GRIK2: variants seen among roughly 807,000 people sequenced by gnomAD.
GRIK2 encodes the protein glutamate ionotropic receptor kainate type subunit 2.
A neutral mutation model predicts 100.3 loss-of-function variants in GRIK2; 32 were observed. That is an observed-to-expected ratio of 0.32 (90% CI 0.24 to 0.43). The LOEUF (loss-of-function observed/expected upper bound fraction) is 0.43. Among genes scored for constraint, GRIK2 ranks in the 20% least tolerant of loss-of-function variants. GRIK2 has a pLI of 1.00. For synonymous variants in GRIK2, 417 were observed against 389.4 expected (o/e 1.07, Z -0.83); for missense variants, 843 against 1,114.9 (o/e 0.76, Z 3.47).
intron 12 of GRIK2, among the ~76,000 whole-genome samples, chr6:101,892,033 A>G (rs961488052): frequency 6.6e-6 from 1 of 152,176 alleles, no homozygotes; most frequent in Non-Finnish European, 1.5e-5. Context: ...AAATATACAA[A>G]AAGTCTTCCT....
At chr6:101,914,812 T>G (rs1434191818) in intron 12 of GRIK2, among the ~76,000 whole-genome samples, 1 of 151,672 alleles carries the variant, frequency 6.6e-6, no homozygotes, top group East Asian at 1.9e-4. Context: ...GTGTTTATTT[T>G]ATTTAAAACC....
chr6:101,469,018 A>G (rs926672298), intron 2 of GRIK2, among the ~76,000 whole-genome samples: 1 of 152,182 alleles, frequency 6.6e-6, no homozygotes, highest in Non-Finnish European at 1.5e-5. Context: ...AGCATCCACC[A>G]GAAATATTAA....
chr6:101,948,716 C>A (rs773699179), intron 14 of GRIK2, among the ~76,000 whole-genome samples: 35 of 151,980 alleles, frequency 2.3e-4, no homozygotes, highest in Non-Finnish European at 4.3e-4. Flanking sequence ...CTAAAGTGAT[C>A]CTGCTGCCTC....
chr6:101,624,728 C>T (rs562669708), intron 3 of GRIK2, among the ~76,000 whole-genome samples: 82 of 152,108 alleles, frequency 5.4e-4, no homozygotes, highest in African/African-American at 2.0e-3. Context: ...TTTCATTTTT[C>T]AACATGGTTT....
intron 9 of GRIK2, among the ~76,000 whole-genome samples, chr6:101,811,770 T>G (rs1781343651): frequency 6.6e-6 from 1 of 151,776 alleles, no homozygotes; most frequent in African/African-American, 2.4e-5. Flanking sequence ...AGAAACATTT[T>G]TTGGATTTAA....
intron 14 of GRIK2, among the ~76,000 whole-genome samples, chr6:101,964,656 A>C (rs1016481251): frequency 1.4e-4 from 21 of 152,196 alleles, no homozygotes; most frequent in African/African-American, 5.1e-4. Flanking sequence ...CCATTGCTGC[A>C]GCACTGGGAT....
At chr6:101,460,879 A>G (rs181533385) in intron 2 of GRIK2, among the ~76,000 whole-genome samples, 274 of 152,270 alleles carry the variant, frequency 1.8e-3, no homozygotes, top group Non-Finnish European at 2.9e-3. Flanking sequence ...TTGGTTTAAT[A>G]ACAAATTGAC....
At chr6:101,455,559 C>T (rs573151377) in intron 2 of GRIK2, among the ~76,000 whole-genome samples, 2 of 151,770 alleles carry the variant, frequency 1.3e-5, no homozygotes, top group East Asian at 3.9e-4. Context: ...ATCATTAGAC[C>T]TAGGTTAGAA....
chr6:101,561,838 T>G (rs1448641857), intron 2 of GRIK2, among the ~76,000 whole-genome samples: 3 of 152,182 alleles, frequency 2.0e-5, no homozygotes, highest in Non-Finnish European at 4.4e-5. Context: ...GTTTAATTTT[T>G]GGGTCATGTA....
At chr6:101,907,122 C>T (rs143717817) in intron 12 of GRIK2, among the ~76,000 whole-genome samples, 1 of 151,464 alleles carries the variant, frequency 6.6e-6, no homozygotes, top group African/African-American at 2.4e-5. Context: ...ATCAACTGTA[C>T]AACATGTTAA....
chr6:101,402,980 G>A (rs1775405229), intron 2 of GRIK2, among the ~76,000 whole-genome samples: 1 of 152,164 alleles, frequency 6.6e-6, no homozygotes, highest in Admixed American at 6.5e-5. Flanking sequence ...CCTTTCTTTT[G>A]TTACTTTAGC....
At chr6:101,796,668 T>A (rs140665193) in intron 7 of GRIK2, among the ~76,000 whole-genome samples, 1,539 of 152,272 alleles carry the variant, frequency 0.01, 27 homozygotes, top group Non-Finnish European at 0.014. Context: ...CCAGAAGTAG[T>A]TTGATCAGCG....
At chr6:101,572,173 A>C (rs1227868707) in intron 2 of GRIK2, among the ~76,000 whole-genome samples, 1 of 152,142 alleles carries the variant, frequency 6.6e-6, no homozygotes, top group African/African-American at 2.4e-5. Flanking sequence ...ATTCTTACAC[A>C]GATATTAGCA....
intron 7 of GRIK2, among the ~76,000 whole-genome samples, chr6:101,739,836 C>T (rs1775909089): frequency 6.6e-6 from 1 of 152,104 alleles, no homozygotes; most frequent in African/African-American, 2.4e-5. Flanking sequence ...CTGCAAACCT[C>T]ACACAATTTT....
At chr6:101,552,392 G>T (rs1776552279) in intron 2 of GRIK2, among the ~76,000 whole-genome samples, 1 of 152,064 alleles carries the variant, frequency 6.6e-6, no homozygotes, top group African/African-American at 2.4e-5. Flanking sequence ...TTTCCAGCTG[G>T]TAGTATCTTA....
chr6:102,027,035 A>T (rs1165226697), intron 14 of GRIK2, among the ~76,000 whole-genome samples: 1 of 151,312 alleles, frequency 6.6e-6, no homozygotes, highest in Non-Finnish European at 1.5e-5. Flanking sequence ...GTAATAAAAA[A>T]TTAAAATGGA....
intron 11 of GRIK2, among the ~76,000 whole-genome samples, chr6:101,880,093 A>G (rs1786142792): frequency 1.3e-5 from 2 of 152,160 alleles, no homozygotes; most frequent in Non-Finnish European, 2.9e-5. Context: ...CACAAAAACT[A>G]AACTGAATGT....
chr6:101,462,489 A>G (rs1040260001), intron 2 of GRIK2, among the ~76,000 whole-genome samples: 1 of 10,302 alleles, frequency 9.7e-5, no homozygotes, highest in African/African-American at 1.3e-3. Context: ...AAAGACCAGG[A>G]AGATTTGGGG....
chr6:101,582,122 A>G (rs376982253), intron 2 of GRIK2, among the ~76,000 whole-genome samples: 3 of 151,822 alleles, frequency 2.0e-5, no homozygotes, highest in East Asian at 3.9e-4. Flanking sequence ...CAGAACGTAC[A>G]GGTTTGTTAC....
Sources: gnomAD v4.1 joint callset for allele counts (sites outside exome capture counted in the v4.1 genomes callset) on GRCh38, gnomAD v4.1.1 for gene constraint, MANE v1.5 for transcripts, NCBI Gene and HGNC (gene_info 2026-07-23, HGNC 2026-07-21) for gene names.